Variants in PRP4K observed in about 807,000 individuals in gnomAD.
PRP4K encodes serine/threonine-protein kinase PRP4 homolog.
At chr6:4,021,397 A>G in the PRP4K span, 1 of 1,567,554 alleles carries the variant, frequency 6.4e-7, no homozygotes, top group Non-Finnish European at 8.6e-7. Flanking sequence ...AGCCGCCGCC[A>G]CCGCCGCCGA....
chr6:4,032,825 T>C, the PRP4K span: 4 of 1,413,998 alleles, frequency 2.8e-6, 1 homozygote, highest in South Asian at 5.7e-5. Flanking sequence ...CTAGAACTTG[T>C]GGACCATTAA....
chr6:4,037,494 C>T, the PRP4K span: 5 of 1,614,046 alleles, frequency 3.1e-6, no homozygotes, highest in Non-Finnish European at 4.2e-6. Flanking sequence ...AAGTAGATCT[C>T]CCATTAGAAG....
At chr6:4,059,068 T>C in the PRP4K span, among the ~76,000 whole-genome samples, 1 of 152,244 alleles carries the variant, frequency 6.6e-6, no homozygotes, top group African/African-American at 2.4e-5. Flanking sequence ...TGGATTACTT[T>C]CTTGGTCTGG....
At chr6:4,048,366 A>G in the PRP4K span, among the ~76,000 whole-genome samples, 6 of 141,904 alleles carry the variant, frequency 4.2e-5, no homozygotes, top group Non-Finnish European at 6.2e-5. Flanking sequence ...GCGACAAAGC[A>G]AGACTCCGTC....
At chr6:4,049,273 A>C in the PRP4K span, among the ~76,000 whole-genome samples, 3 of 152,206 alleles carry the variant, frequency 2.0e-5, no homozygotes, top group Non-Finnish European at 4.4e-5. Context: ...GTGTATTCTA[A>C]AAGCAGCCCA....
At chr6:4,039,854 C>T in the PRP4K span, among the ~76,000 whole-genome samples, 2 of 149,012 alleles carry the variant, frequency 1.3e-5, no homozygotes, top group Non-Finnish European at 3.0e-5. Flanking sequence ...CTCCCTTCCC[C>T]TCCGATCTTT....
the PRP4K span, among the ~76,000 whole-genome samples, chr6:4,055,259 G>A: frequency 6.6e-6 from 1 of 152,122 alleles, no homozygotes; most frequent in African/African-American, 2.4e-5. Flanking sequence ...AGTTTTCTGT[G>A]GGTATTGAAA....
chr6:4,032,013 A>C, the PRP4K span: 2 of 1,614,088 alleles, frequency 1.2e-6, no homozygotes, highest in Non-Finnish European at 1.7e-6. Context: ...TAGATCTTCA[A>C]GTACAAAGGG....
the PRP4K span, among the ~76,000 whole-genome samples, chr6:4,028,652 C>G: frequency 1.3e-5 from 2 of 152,216 alleles, no homozygotes; most frequent in African/African-American, 4.8e-5. Flanking sequence ...CTGACTTTCA[C>G]CAGAGGACGT....
At chr6:4,045,148 C>T in the PRP4K span, among the ~76,000 whole-genome samples, 1 of 152,120 alleles carries the variant, frequency 6.6e-6, no homozygotes, top group Non-Finnish European at 1.5e-5. Context: ...CGTGAGCCAC[C>T]ACGCCCAGCT....
At chr6:4,040,804 G>A in the PRP4K span, 13 of 1,613,980 alleles carry the variant, frequency 8.1e-6, no homozygotes, top group South Asian at 3.3e-5. Flanking sequence ...TCACGCTTGC[G>A]AAGGCGGTCT....
chr6:4,060,529 G>A, the PRP4K span: 46 of 1,613,934 alleles, frequency 2.9e-5, 1 homozygote, highest in South Asian at 4.9e-4. The surrounding 1 kb of genome is among the most constrained non-coding windows in gnomAD (Gnocchi z 4.7). Context: ...TAAAGGACTT[G>A]TTGGACCAGA....
chr6:4,036,762 G>A, the PRP4K span, among the ~76,000 whole-genome samples: 1 of 152,094 alleles, frequency 6.6e-6, no homozygotes, highest in Non-Finnish European at 1.5e-5. Flanking sequence ...GGCCAAGGGA[G>A]AACCACTTGA....
the PRP4K span, among the ~76,000 whole-genome samples, chr6:4,022,063 T>C: frequency 6.6e-6 from 1 of 152,128 alleles, no homozygotes; most frequent in East Asian, 1.9e-4. Flanking sequence ...CAGTATTGTT[T>C]TGTTTTGTTT....
chr6:4,043,071 T>C, the PRP4K span, among the ~76,000 whole-genome samples: 1 of 152,346 alleles, frequency 6.6e-6, no homozygotes, highest in East Asian at 1.9e-4. Context: ...AAGATCTTGA[T>C]ACAGCCATTT....
chr6:4,051,066 CG>C, the PRP4K span, among the ~76,000 whole-genome samples: 1 of 152,040 alleles, frequency 6.6e-6, no homozygotes, highest in East Asian at 1.9e-4. Flanking sequence ...CCCACCACCA[CG>C]CCCAGCTAAT....
chr6:4,052,314 A>G, the PRP4K span, among the ~76,000 whole-genome samples: 98 of 152,284 alleles, frequency 6.4e-4, 1 homozygote, highest in Non-Finnish European at 1.3e-3. Context: ...CCCGGAGTAC[A>G]GTGGTGCAGT....
chr6:4,041,975 G>A, the PRP4K span, among the ~76,000 whole-genome samples: 1 of 152,198 alleles, frequency 6.6e-6, no homozygotes, highest in African/African-American at 2.4e-5. Flanking sequence ...TGGTATTTGA[G>A]GGTTAGTGCG....
chr6:4,047,833 G>A, the PRP4K span, among the ~76,000 whole-genome samples: 4 of 151,534 alleles, frequency 2.6e-5, no homozygotes, highest in African/African-American at 4.9e-5. Flanking sequence ...GCCTTCATAA[G>A]AGGAGGTAGA....
Sources: gnomAD v4.1 joint callset for allele counts (sites outside exome capture counted in the v4.1 genomes callset) on GRCh38, gnomAD v4.1.1 for gene constraint, Gnocchi (gnomAD v3.1) non-coding constraint, MANE v1.5 for transcripts, NCBI Gene and HGNC (gene_info 2026-07-23, HGNC 2026-07-21) for gene names.